Variants in CADPS2 observed in about 807,000 individuals in gnomAD.
CADPS2 encodes calcium-dependent secretion activator 2.
A neutral mutation model predicts 172.5 loss-of-function variants in CADPS2; 93 were observed. That is an observed-to-expected ratio of 0.54 (90% CI 0.46 to 0.64). The LOEUF is 0.64. Among genes scored for constraint, CADPS2 ranks in the 30% least tolerant of loss-of-function variants. The pLI is 0.00. For synonymous variants in CADPS2, 546 were observed against 555.2 expected, an observed-to-expected ratio of 0.98 and a Z score of 0.23; for missense variants, 1,420 against 1,565.9, an observed-to-expected ratio of 0.91 and a Z score of 1.57.
intron 3 of CADPS2, among the ~76,000 whole-genome samples, chr7:122,645,531 T>C (rs1324648921): frequency 1.4e-4 from 16 of 114,372 alleles, no homozygotes; most frequent in African/African-American, 5.6e-4. Flanking sequence ...TATATAAGTA[T>C]ATATATATAC....
chr7:122,548,887 A>C (rs971547106), intron 8 of CADPS2, among the ~76,000 whole-genome samples: 2 of 152,200 alleles, frequency 1.3e-5, no homozygotes, highest in African/African-American at 2.4e-5. Flanking sequence ...TAGCAGAAAA[A>C]TAAACACACA....
intron 4 of CADPS2, among the ~76,000 whole-genome samples, chr7:122,628,436 CGA>C (rs997310475): frequency 6.0e-5 from 9 of 150,874 alleles, no homozygotes; most frequent in African/African-American, 2.0e-4. Context: ...ATACATGTTA[CGA>C]GAGAGAGAAA....
At chr7:122,853,477 G>C (rs1814280024) in intron 1 of CADPS2, among the ~76,000 whole-genome samples, 1 of 152,158 alleles carries the variant, frequency 6.6e-6, no homozygotes, top group Non-Finnish European at 1.5e-5. Flanking sequence ...TAGCCCAAAG[G>C]GTGGTAATGG....
intron 8 of CADPS2, among the ~76,000 whole-genome samples, chr7:122,529,975 G>T (rs773136343): frequency 7.2e-5 from 11 of 151,902 alleles, no homozygotes; most frequent in Non-Finnish European, 1.2e-4. Context: ...TAGAAAACTG[G>T]CATGAAAAAC....
In CADPS2 at chr7:122,606,898, T is replaced by C. The variant is rs137916835; in HGVS notation, c.1223+8283A>G. Among the ~76,000 whole-genome samples the C allele has an allele frequency of 2.6e-3, 399 of 152,144 alleles. 8 individuals carry two copies. Among genetic ancestry groups the C allele is most frequent in the Admixed American group, 0.015 (236 of 15,256 alleles). ...AGGGGAAGAGGAAAGAGGGCAGCCA[T>C]AGGATGTATAATTTGGCGAGGGAAT... On this transcript the variant is annotated intron_variant, in intron 6 of 29. Coordinates refer to ENST00000449022, the MANE Select transcript of CADPS2 (RefSeq NM_017954.11).
At chr7:122,360,187 G>C (rs1229728183) in intron 27 of CADPS2, among the ~76,000 whole-genome samples, 1 of 152,124 alleles carries the variant, frequency 6.6e-6, no homozygotes, top group Non-Finnish European at 1.5e-5. Flanking sequence ...TTGGTATGAT[G>C]ATTAGCTTAA....
At chr7:122,612,456 G>T (rs1288539080) in intron 6 of CADPS2, among the ~76,000 whole-genome samples, 1 of 151,614 alleles carries the variant, frequency 6.6e-6, no homozygotes, top group African/African-American at 2.4e-5. Context: ...GCATAAAAAA[G>T]AATAAAATAA....
chr7:122,723,337 A>C (rs541765835), intron 2 of CADPS2, among the ~76,000 whole-genome samples: 1 of 152,312 alleles, frequency 6.6e-6, no homozygotes, highest in South Asian at 2.1e-4. Flanking sequence ...TTTACAAGAA[A>C]AAAAACAACC....
intron 3 of CADPS2, among the ~76,000 whole-genome samples, chr7:122,648,321 T>A (rs2078776704): frequency 6.6e-6 from 1 of 152,116 alleles, no homozygotes; most frequent in Admixed American, 6.5e-5. Context: ...AAAATACTAA[T>A]GTTATCTAAA....
intron 9 of CADPS2, among the ~76,000 whole-genome samples, chr7:122,496,132 A>G (rs2058713000): frequency 6.6e-6 from 1 of 151,862 alleles, no homozygotes; most frequent in African/African-American, 2.4e-5. Context: ...CATCTTTCTT[A>G]TCTCTTCATT....
intron 2 of CADPS2, chr7:122,703,049 T>C (rs1314312254): frequency 3.4e-6 from 1 of 291,314 alleles, no homozygotes; most frequent in African/African-American, 2.2e-5. Context: ...AGAGTTTATA[T>C]TAGTGCATTG....
chr7:122,542,114 C>A (rs144980667), intron 8 of CADPS2, among the ~76,000 whole-genome samples: 12 of 151,782 alleles, frequency 7.9e-5, no homozygotes, highest in Non-Finnish European at 1.3e-4. Context: ...TCATTTAATC[C>A]TTACAGCATC....
intron 15 of CADPS2, among the ~76,000 whole-genome samples, chr7:122,450,355 AT>A (rs1438100851): frequency 6.6e-6 from 1 of 152,136 alleles, no homozygotes; most frequent in African/African-American, 2.4e-5. Flanking sequence ...ATGTGGTGAC[AT>A]TTTATAGGCC....
intron 7 of CADPS2, among the ~76,000 whole-genome samples, chr7:122,567,596 T>C (rs762487597): frequency 2.0e-5 from 3 of 152,154 alleles, no homozygotes; most frequent in Non-Finnish European, 4.4e-5. Flanking sequence ...AAAAGATAAC[T>C]AACCATTTAA....
intron 6 of CADPS2, among the ~76,000 whole-genome samples, chr7:122,591,812 C>T (rs2070851069): frequency 6.6e-6 from 1 of 152,178 alleles, no homozygotes; most frequent in African/African-American, 2.4e-5. Flanking sequence ...ACATTCCTTC[C>T]TTACACCTTA....
At chr7:122,834,884 C>T (rs765727961) in intron 1 of CADPS2, among the ~76,000 whole-genome samples, 3 of 152,170 alleles carry the variant, frequency 2.0e-5, no homozygotes, top group Non-Finnish European at 1.5e-5. Context: ...ACAAAGGCAG[C>T]AGAAACCTCT....
chr7:122,408,919 T>G (rs1047722958), intron 19 of CADPS2, among the ~76,000 whole-genome samples: 6 of 152,194 alleles, frequency 3.9e-5, no homozygotes, highest in Admixed American at 6.5e-5. Context: ...ATGTAATTAA[T>G]TAGCAGATGG....
intron 1 of CADPS2, among the ~76,000 whole-genome samples, chr7:122,784,866 G>A (rs1793646805): frequency 6.6e-6 from 1 of 152,056 alleles, no homozygotes. Context: ...TTTAGCTCAG[G>A]TCAAGAATAT....
intron 8 of CADPS2, among the ~76,000 whole-genome samples, chr7:122,539,241 G>A (rs2062651236): frequency 6.6e-6 from 1 of 152,030 alleles, no homozygotes; most frequent in South Asian, 2.1e-4. Flanking sequence ...CATTATTATG[G>A]CAGTGAGATC....
Sources: allele counts gnomAD v4.1 joint callset (sites outside exome capture counted in the v4.1 genomes callset), GRCh38; gene constraint gnomAD v4.1.1; transcripts MANE v1.5; gene names NCBI Gene and HGNC (gene_info 2026-07-23, HGNC 2026-07-21).